UBN2: variants seen among roughly 807,000 people sequenced by gnomAD.
The protein encoded by UBN2 is ubinuclein-2.
Under a neutral mutation model 120.2 loss-of-function variants are expected in UBN2, and 35 were observed. That is an observed-to-expected ratio of 0.29 (90% CI 0.22 to 0.39). The LOEUF is 0.39. UBN2 is among the 10% of genes least tolerant of loss of function. The pLI is 1.00. For synonymous variants in UBN2, 661 were observed against 648.7 expected, an observed-to-expected ratio of 1.02 and a Z score of -0.29; for missense variants, 1,693 against 1,663.2, an observed-to-expected ratio of 1.02 and a Z score of -0.31.
intron 15 of UBN2, among the ~76,000 whole-genome samples, chr7:139,291,940 G>T (rs1376536205): frequency 6.6e-6 from 1 of 152,068 alleles, no homozygotes; most frequent in Non-Finnish European, 1.5e-5. Context: ...ATTGTTCAAA[G>T]AATTAAACTA....
In UBN2 at chr7:139,301,290, TGTTTA is replaced by T. The variant is rs1798251560; in HGVS notation, c.*3455_*3459del. The T allele has an allele frequency of 6.6e-6, 1 of 152,180 alleles. No individual in the cohort carries two copies. The highest frequency in any genetic ancestry group is 2.4e-5 in the African/African-American group (1 of 41,446). The allele number at this position is 152,180 out of a possible 1,614,324, so 9.4% of individuals were successfully genotyped here. On this transcript the variant is annotated 3_prime_UTR_variant, in exon 18 of 18. Transcript: ENST00000473989. ...TTTTTTTCCCAAAGCAGATCTAAAT[TGTTTA>T]CTACCCAGGGTTGGAAAGGGCAGGC...
intron 6 of UBN2, among the ~76,000 whole-genome samples, chr7:139,264,942 T>C (rs1225635404): frequency 1.3e-5 from 2 of 152,200 alleles, no homozygotes; most frequent in Non-Finnish European, 2.9e-5. Flanking sequence ...GTACATGTCA[T>C]AATTTGATAC....
chr7:139,314,704 A>T, the UBN2 span, among the ~76,000 whole-genome samples: 4 of 151,754 alleles, frequency 2.6e-5, no homozygotes, highest in East Asian at 6.0e-4. Context: ...CAGGATGGTC[A>T]TGAACTCCTG....
chr7:139,264,247 TC>T (rs1255107256), intron 6 of UBN2, among the ~76,000 whole-genome samples: 2 of 152,226 alleles, frequency 1.3e-5, no homozygotes, highest in African/African-American at 4.8e-5. Context: ...CTTTTTAACT[TC>T]CTCTTAGAGA....
intron 8 of UBN2, among the ~76,000 whole-genome samples, chr7:139,271,319 G>C (rs942971470): frequency 6.6e-6 from 1 of 152,032 alleles, no homozygotes; most frequent in Non-Finnish European, 1.5e-5. Context: ...TGGCTGAGTG[G>C]CTCACGCCTG....
Position 139,302,238 on chromosome 7 carries a change from T to G in UBN2, c.*4402T>G, listed in dbSNP as rs2131087127. ...CCTCTTCCTTTGCTTTCTATGTATA[T>G]GGATATATGTGTAAGATACATACAT... On this transcript the variant is annotated 3_prime_UTR_variant, in exon 18 of 18. Transcript: ENST00000473989. 6.6e-6 allele frequency: 1 copy of G among 152,344 alleles called. No individual in the cohort carries two copies. 9.4% of individuals were successfully genotyped at this position (152,344 alleles called of 1,614,324 possible). A position where few individuals can be genotyped will look rare whatever the true frequency, so the allele number is the denominator to read the frequency against.
chr7:139,325,094 A>T, the UBN2 span, among the ~76,000 whole-genome samples: 2 of 152,156 alleles, frequency 1.3e-5, no homozygotes, highest in African/African-American at 4.8e-5. Flanking sequence ...TGATAAAAGT[A>T]TTTTCAAAAT....
Position 139,231,831 on chromosome 7 carries a change from C to A in UBN2, c.347C>A (p.Ala116Asp). The change falls in exon 1 of 18, where the codon GCT becomes GAT. Residue 116 changes from alanine to aspartate, a missense_variant. By Grantham distance (126) the Ala-to-Asp change is moderately radical (BLOSUM62 -2). Around this residue, in one of 5 missense-constraint regions of UBN2, gnomAD observed 663 missense variants for 591.2 expected, o/e 1.12. Coordinates refer to ENST00000473989, the MANE Select transcript of UBN2 (RefSeq NM_173569.4). ...PPPPRESASR[A>D]EQPPRPPRET... ...CCGCCGCGGGAGTCGGCTTCCCGGG[C>A]TGAGCAGCCGCCGCGGCCGCCGAGG... 6.6e-7 allele frequency: 1 copy of A among 1,520,474 alleles called. No individual in the cohort carries two copies. The highest frequency in any genetic ancestry group is 2.0e-5 in the Admixed American group (1 of 49,246). 94.2% of individuals were successfully genotyped at this position (1,520,474 alleles called of 1,614,324 possible).
At position 139,306,328 on chromosome 7, in the gene UBN2, T is replaced by C. The variant is rs1798357921; in HGVS notation, c.*8492T>C. 1 of 152,254 alleles carries C rather than the reference T, an allele frequency of 6.6e-6. No homozygotes were observed. Among genetic ancestry groups the C allele is most frequent in the Admixed American group, 6.5e-5 (1 of 15,284 alleles). The allele number at this position is 152,254 out of a possible 1,614,324, so 9.4% of individuals were successfully genotyped here. ...TTATCCCTGCTGTTTGTAGGGTTAGTGTGCCCTCTGTCAGAAAATTGGGTT... is the reference window on the plus strand; with the variant it reads ...TTATCCCTGCTGTTTGTAGGGTTAGCGTGCCCTCTGTCAGAAAATTGGGTT... On this transcript the variant is annotated 3_prime_UTR_variant, in exon 18 of 18. Coordinates refer to ENST00000473989, the MANE Select transcript of UBN2 (RefSeq NM_173569.4).
intron 2 of UBN2, among the ~76,000 whole-genome samples, chr7:139,244,632 T>C (rs1796414441): frequency 6.6e-6 from 1 of 152,130 alleles, no homozygotes; most frequent in African/African-American, 2.4e-5. Flanking sequence ...CCCTTCTCTG[T>C]CGTAATGACC....
At chr7:139,269,868 G>A (rs1174923236) in intron 8 of UBN2, among the ~76,000 whole-genome samples, 7 of 151,642 alleles carry the variant, frequency 4.6e-5, no homozygotes, top group South Asian at 2.1e-4. Context: ...GTGCCGTGGC[G>A]TGAACATGGC....
intron 17 of UBN2, among the ~76,000 whole-genome samples, chr7:139,296,771 G>A (rs1009864101): frequency 2.0e-5 from 3 of 152,174 alleles, no homozygotes; most frequent in African/African-American, 7.2e-5. Flanking sequence ...CACACCTGTA[G>A]TCCCACTACT....
At chr7:139,323,555 GATTATT>G in the UBN2 span, among the ~76,000 whole-genome samples, 4,532 of 141,574 alleles carry the variant, frequency 0.032, 83 homozygotes, top group East Asian at 0.062. Flanking sequence ...TTCTGGACCT[GATTATT>G]ATTATTATTA....
At chr7:139,320,608 A>G in the UBN2 span, among the ~76,000 whole-genome samples, 1 of 152,162 alleles carries the variant, frequency 6.6e-6, no homozygotes, top group Non-Finnish European at 1.5e-5. Context: ...CTGTAATCCC[A>G]ACACTTTGGG....
Position 139,258,482 on chromosome 7 carries a change from A to T in UBN2, c.664-6A>T, listed in dbSNP as rs1201733693. On this transcript the variant is annotated splice_region_variant and splice_polypyrimidine_tract_variant and intron_variant, in intron 3 of 17. Transcript: ENST00000473989. ...ATAGCGGAAACTTTTTTGTTTTTTA[A>T]TCTAGTATGATGAATTAGTTCCCGC... 1.3e-6 allele frequency: 2 copies of T among 1,555,420 alleles called. No homozygotes were observed. Among genetic ancestry groups the T allele is most frequent in the Admixed American group, 3.7e-5 (2 of 54,026 alleles).
At position 139,252,035 on chromosome 7, in the gene UBN2, C is replaced by G. The variant is rs764570952; in HGVS notation, c.641C>G (p.Pro214Arg). Reference protein sequence around the residue: ...DIGFGYDETDPFIDNSEAYDE... With the variant: ...DIGFGYDETDRFIDNSEAYDE... ...GGCTTTGGCTATGATGAGACAGATC[C>G]ATTTATTGATAACTCAGAGGCTGTG... Residue 214 changes from proline to arginine, a missense_variant, in exon 3 of 18, where the codon CCA becomes CGA. By Grantham distance (103) the Pro-to-Arg change is moderately radical. Coordinates refer to ENST00000473989, the MANE Select transcript of UBN2 (RefSeq NM_173569.4). The G allele has an allele frequency of 6.2e-7, 1 of 1,613,990 alleles. No individual in the cohort carries two copies. Among genetic ancestry groups the G allele is most frequent in the Non-Finnish European group, 8.5e-7 (1 of 1,179,914 alleles).
At chr7:139,319,920 CA>C in the UBN2 span, among the ~76,000 whole-genome samples, 482 of 151,780 alleles carry the variant, frequency 3.2e-3, 1 homozygote, top group Non-Finnish European at 5.6e-3. Flanking sequence ...ACTAAAAATA[CA>C]AAAAATTAGC....
intron 17 of UBN2, among the ~76,000 whole-genome samples, chr7:139,295,640 C>T (rs1798089427): frequency 6.6e-6 from 1 of 152,190 alleles, no homozygotes; most frequent in Non-Finnish European, 1.5e-5. Context: ...AATTTTTCAA[C>T]CAGGCATGGT....
chr7:139,251,859 A>G (rs557554825), intron 2 of UBN2, 97 bp from the exon 3 acceptor site: 18 of 1,133,152 alleles, frequency 1.6e-5, no homozygotes, highest in Admixed American at 9.2e-5. Context: ...GAGGGGGACT[A>G]TCTGCAAAAA....
Sources: allele counts gnomAD v4.1 joint callset (sites outside exome capture counted in the v4.1 genomes callset), GRCh38; gene constraint gnomAD v4.1.1; regional missense constraint gnomAD v4.1.1; transcripts MANE v1.5; gene names NCBI Gene and HGNC (gene_info 2026-07-23, HGNC 2026-07-21).